ADCY2: variants seen among roughly 807,000 people sequenced by gnomAD.
ADCY2 encodes the protein adenylate cyclase type 2.
Under a neutral mutation model 125.2 loss-of-function variants are expected in ADCY2, and 31 were observed. The observed-to-expected ratio is 0.25, with a 90% CI of 0.19 to 0.33. The LOEUF is 0.33. ADCY2 is among the 10% of genes least tolerant of loss of function. The probability of loss-of-function intolerance (pLI) is 1.00; values close to 1 mark genes in which losing one functional copy is unlikely to be tolerated. For synonymous variants in ADCY2, 512 were observed against 548.4 expected, an observed-to-expected ratio of 0.93 and a Z score of 0.93; for missense variants, 904 against 1,418.2, an observed-to-expected ratio of 0.64 and a Z score of 5.82.
intron 3 of ADCY2, among the ~76,000 whole-genome samples, chr5:7,564,675 C>T (rs1246426113): frequency 6.6e-6 from 1 of 152,118 alleles, no homozygotes; most frequent in Non-Finnish European, 1.5e-5. Flanking sequence ...GTTTTTCCTG[C>T]ACCTGAAATG....
intron 2 of ADCY2, among the ~76,000 whole-genome samples, chr5:7,420,091 A>G (rs1579426467): frequency 6.6e-6 from 1 of 152,276 alleles, no homozygotes; most frequent in East Asian, 1.9e-4. Context: ...GTCAGGAAAC[A>G]TCTTCCATTT....
chr5:7,536,699 T>C (rs945373072), intron 3 of ADCY2, among the ~76,000 whole-genome samples: 3 of 152,112 alleles, frequency 2.0e-5, no homozygotes, highest in Non-Finnish European at 4.4e-5. Context: ...TACCTAGCAG[T>C]GTTTTTCATT....
chr5:7,612,981 A>G (rs1401881184), intron 3 of ADCY2, among the ~76,000 whole-genome samples: 1 of 152,038 alleles, frequency 6.6e-6, no homozygotes, highest in African/African-American at 2.4e-5. Flanking sequence ...GCACCACTGC[A>G]CTCCAGTCCT....
chr5:7,497,695 A>G (rs1743390084), intron 2 of ADCY2, among the ~76,000 whole-genome samples: 1 of 152,200 alleles, frequency 6.6e-6, no homozygotes, highest in South Asian at 2.1e-4. Flanking sequence ...AGAGCCGGAT[A>G]TGGAAACCAT....
intron 2 of ADCY2, among the ~76,000 whole-genome samples, chr5:7,488,250 C>T (rs564428557): frequency 2.0e-4 from 31 of 152,206 alleles, no homozygotes; most frequent in Non-Finnish European, 3.7e-4. Flanking sequence ...GCTCTCTTGC[C>T]GGCCACCATG....
intron 3 of ADCY2, among the ~76,000 whole-genome samples, chr5:7,560,117 C>T (rs1402891488): frequency 6.6e-6 from 1 of 152,144 alleles, no homozygotes; most frequent in Non-Finnish European, 1.5e-5. Context: ...TTCAAAACAG[C>T]AAATTGAGTA....
intron 7 of ADCY2, among the ~76,000 whole-genome samples, chr5:7,700,485 T>C (rs764150793): frequency 2.3e-3 from 292 of 127,584 alleles, no homozygotes; most frequent in Admixed American, 6.0e-3. Context: ...GTAAATGATT[T>C]GACCTTATCC....
intron 2 of ADCY2, among the ~76,000 whole-genome samples, chr5:7,469,593 A>C (rs1396806347): frequency 6.6e-6 from 1 of 151,406 alleles, no homozygotes; most frequent in African/African-American, 2.4e-5. Context: ...GAGCTTGCAC[A>C]TTTTTTTTAA....
At chr5:7,508,116 A>G (rs1743912012) in intron 2 of ADCY2, among the ~76,000 whole-genome samples, 1 of 152,180 alleles carries the variant, frequency 6.6e-6, no homozygotes, top group African/African-American at 2.4e-5. Context: ...AAGCCTGGAC[A>G]TTATGGGTAA....
intron 3 of ADCY2, among the ~76,000 whole-genome samples, chr5:7,573,910 C>A (rs953196133): frequency 1.0e-5 from 1 of 95,238 alleles, no homozygotes; most frequent in Admixed American, 1.2e-4. Context: ...TCCCTCCCCC[C>A]TCCCCCCACC....
chr5:7,697,889 A>T (rs1740946472), intron 6 of ADCY2, among the ~76,000 whole-genome samples: 1 of 152,072 alleles, frequency 6.6e-6, no homozygotes, highest in African/African-American at 2.4e-5. Context: ...ACTCTGAAAG[A>T]CTCAGCTGGG....
chr5:7,526,631 G>A (rs542137368), intron 3 of ADCY2, among the ~76,000 whole-genome samples: 1 of 151,986 alleles, frequency 6.6e-6, no homozygotes, highest in African/African-American at 2.4e-5. Flanking sequence ...AGGGAGAAAA[G>A]GTAGAACAAG....
chr5:7,804,780 C>A, intron 22 of ADCY2, 88 bp downstream of exon 22: 4 of 911,022 alleles, frequency 4.4e-6, no homozygotes, highest in Non-Finnish European at 5.4e-6. Context: ...TGAAATGCCC[C>A]AAGAACTGTA....
At chr5:7,551,589 A>C (rs768728007) in intron 3 of ADCY2, among the ~76,000 whole-genome samples, 1 of 152,172 alleles carries the variant, frequency 6.6e-6, no homozygotes, top group Admixed American at 6.5e-5. Flanking sequence ...ACTTATTCCA[A>C]ATATTTAGGA....
At chr5:7,531,415 C>G (rs531530862) in intron 3 of ADCY2, among the ~76,000 whole-genome samples, 9 of 152,182 alleles carry the variant, frequency 5.9e-5, no homozygotes, top group Non-Finnish European at 7.4e-5. Flanking sequence ...GACCACCCCC[C>G]AGATGAGAAA....
chr5:7,453,708 C>T (rs1333822528), intron 2 of ADCY2, among the ~76,000 whole-genome samples: 1 of 152,168 alleles, frequency 6.6e-6, no homozygotes, highest in Non-Finnish European at 1.5e-5. Context: ...CGTTGGCATA[C>T]TTCCGGGGTC....
At chr5:7,810,909 A>C (rs1744920814) in intron 22 of ADCY2, among the ~76,000 whole-genome samples, 1 of 152,204 alleles carries the variant, frequency 6.6e-6, no homozygotes, top group African/African-American at 2.4e-5. Context: ...TCTGGTCTTA[A>C]CAAGTATGTA....
chr5:7,817,280 T>C (rs941671165), intron 23 of ADCY2, among the ~76,000 whole-genome samples: 3 of 152,216 alleles, frequency 2.0e-5, no homozygotes, highest in African/African-American at 7.2e-5. Context: ...AGCTGCTACA[T>C]TATTTTATGG....
chr5:7,804,706 G>T lies in ADCY2; in HGVS notation c.2883+14G>T, dbSNP rs1192453586. 3 of 1,602,998 alleles carry T rather than the reference G, an allele frequency of 1.9e-6. No individual in the cohort carries two copies. The highest frequency in any genetic ancestry group is 4.5e-5 in the East Asian group (2 of 44,820). ...GAGCACTCCCAGGTAAGACGCGTTG[G>T]CCACTTAACGGCACAGGTGAGCCTC... On this transcript the variant is annotated intron_variant, in intron 22 of 24. Transcript: ENST00000338316.
Sources: gnomAD v4.1 joint callset for allele counts (sites outside exome capture counted in the v4.1 genomes callset) on GRCh38, gnomAD v4.1.1 for gene constraint, MANE v1.5 for transcripts, NCBI Gene and HGNC (gene_info 2026-07-23, HGNC 2026-07-21) for gene names.